The following PCTP variants were observed in gnomAD, a reference collection of about 807,000 sequenced individuals.
PCTP encodes the protein START domain-containing protein 2.
A neutral mutation model predicts 31.0 loss-of-function variants in PCTP; 27 were observed. The observed-to-expected ratio is 0.87, with a 90% CI of 0.64 to 1.20. The LOEUF (loss-of-function observed/expected upper bound fraction) is 1.20, where lower values mean the gene tolerates loss of function less well. Among genes scored for constraint, PCTP ranks in the 50% most tolerant of loss-of-function variants. The pLI is 0.00. For synonymous variants in PCTP, 108 were observed against 101.2 expected, an observed-to-expected ratio of 1.07 and a Z score of -0.40; for missense variants, 287 against 268.2, an observed-to-expected ratio of 1.07 and a Z score of -0.49.
At chr17:55,839,977 C>A (rs1905920501) in intron 5 of PCTP, among the ~76,000 whole-genome samples, 1 of 147,566 alleles carries the variant, frequency 6.8e-6, no homozygotes, top group African/African-American at 2.5e-5. Flanking sequence ...AGGTGAGATC[C>A]ATTGGAATGT....
At chr17:55,792,222 G>A (rs1191332718) in intron 3 of PCTP, among the ~76,000 whole-genome samples, 2 of 149,098 alleles carry the variant, frequency 1.3e-5, no homozygotes, top group Non-Finnish European at 3.0e-5. Flanking sequence ...CGAGTTAGTG[G>A]GTGCAGCACA....
chr17:55,758,831 T>C (rs2144918174), intron 1 of PCTP, among the ~76,000 whole-genome samples: 1 of 152,248 alleles, frequency 6.6e-6, no homozygotes, highest in East Asian at 1.9e-4. Context: ...AGAATGCTGG[T>C]CTCAAGGTTC....
At chr17:55,811,024 C>A (rs914030587) in intron 3 of PCTP, among the ~76,000 whole-genome samples, 2 of 152,140 alleles carry the variant, frequency 1.3e-5, no homozygotes, top group African/African-American at 4.8e-5. Context: ...AAGCTATTAC[C>A]CATCTATAGA....
At chr17:55,752,703 A>G (rs1909779641) in intron 1 of PCTP, among the ~76,000 whole-genome samples, 1 of 152,074 alleles carries the variant, frequency 6.6e-6, no homozygotes, top group African/African-American at 2.4e-5. Flanking sequence ...AAGCTGCCAT[A>G]TTTACTTTTT....
downstream of PCTP, among the ~76,000 whole-genome samples, chr17:55,846,832 T>C (rs1308843361): frequency 6.6e-6 from 1 of 152,224 alleles, no homozygotes; most frequent in African/African-American, 2.4e-5. Flanking sequence ...CTTCAAAATA[T>C]GCTATACAAT....
intron 1 of PCTP, among the ~76,000 whole-genome samples, chr17:55,758,924 T>A (rs1910192262): frequency 6.6e-6 from 1 of 152,210 alleles, no homozygotes; most frequent in African/African-American, 2.4e-5. Context: ...ATGCTCTCAC[T>A]CTGTCTTTCA....
intron 3 of PCTP, among the ~76,000 whole-genome samples, chr17:55,797,162 A>G (rs1368438209): frequency 6.6e-6 from 1 of 152,036 alleles, no homozygotes; most frequent in African/African-American, 2.4e-5. Context: ...AGGGATTTCC[A>G]TTCCTGACTA....
chr17:55,774,576 A>C (rs1911201317), intron 4 of PCTP, among the ~76,000 whole-genome samples: 1 of 152,176 alleles, frequency 6.6e-6, no homozygotes, highest in South Asian at 2.1e-4. Flanking sequence ...GTATTTAATA[A>C]ATAGCAGCAA....
chr17:55,753,357 AAAT>A (rs541851794), intron 1 of PCTP, among the ~76,000 whole-genome samples: 163 of 152,336 alleles, frequency 1.1e-3, no homozygotes, highest in African/African-American at 3.8e-3. Flanking sequence ...TTGATTGCAG[AAAT>A]AATAATAATC....
chr17:55,756,741 GTA>G (rs941265113), intron 1 of PCTP, among the ~76,000 whole-genome samples: 11 of 150,308 alleles, frequency 7.3e-5, no homozygotes, highest in South Asian at 2.1e-4. Flanking sequence ...GTGTGTGTGT[GTA>G]TATATGTATA....
At chr17:55,800,409 GT>G (rs1269984844) in intron 3 of PCTP, among the ~76,000 whole-genome samples, 1 of 151,814 alleles carries the variant, frequency 6.6e-6, no homozygotes, top group Non-Finnish European at 1.5e-5. Flanking sequence ...CTTGTGCTGT[GT>G]TTTTCATCTG....
At chr17:55,762,027 G>A (rs1312427020) in intron 1 of PCTP, among the ~76,000 whole-genome samples, 2 of 152,158 alleles carry the variant, frequency 1.3e-5, no homozygotes, top group Non-Finnish European at 2.9e-5. Context: ...AGCTCTGCAG[G>A]CATCTTGGGA....
chr17:55,780,491 G>A (rs1911523443), downstream of PCTP, among the ~76,000 whole-genome samples: 1 of 152,158 alleles, frequency 6.6e-6, no homozygotes, highest in Admixed American at 6.5e-5. Context: ...ATCCGATGGT[G>A]GTTGCATCCT....
Position 55,776,258 on chromosome 17 carries a change from G to T in PCTP, c.*158G>T. On this transcript the variant is annotated 3_prime_UTR_variant, in exon 6 of 6. Transcript: ENST00000268896. ...TCCCCTGCTGTTTCTGTCTTCAGAG[G>T]CCTACACACTACCACATCCTTTCTA... is the stretch of plus-strand genomic sequence containing the variant. 3 of 1,430,568 alleles carry T rather than the reference G, an allele frequency of 2.1e-6. No homozygotes were observed. Among genetic ancestry groups the T allele is most frequent in the Non-Finnish European group, 2.7e-6 (3 of 1,093,270 alleles). The allele number at this position is 1,430,568 out of a possible 1,614,324, so 88.6% of individuals were successfully genotyped here.
Position 55,776,429 on chromosome 17 carries a change from T to C in PCTP, c.*329T>C, listed in dbSNP as rs999204513. On this transcript the variant is annotated 3_prime_UTR_variant, in exon 6 of 6. Coordinates refer to ENST00000268896, the MANE Select transcript of PCTP (RefSeq NM_021213.4). ...TACTATTAGGAGGGGAAGTCTTCAG[T>C]AGGGAACACGATCATTCCATTGTGC... 7.3e-6 allele frequency: 9 copies of C among 1,240,156 alleles called. No individual in the cohort carries two copies. The East Asian group carries it at 2.5e-4, about 34-fold the overall frequency. 76.8% of individuals were successfully genotyped at this position (1,240,156 alleles called of 1,614,324 possible). A position where few individuals can be genotyped will look rare whatever the true frequency, so the allele number is the denominator to read the frequency against.
chr17:55,776,091 G>C lies in PCTP; in HGVS notation c.636G>C (p.Lys212Asn), dbSNP rs774793861. 2 of 1,613,934 alleles carry C rather than the reference G, an allele frequency of 1.2e-6. No homozygotes were observed. Among genetic ancestry groups the C allele is most frequent in the Non-Finnish European group, 1.7e-6 (2 of 1,179,928 alleles). ...CAAGAGCCTGTCAGAACTACCTCAA[G>C]AAAACCTAAGAAAGAGAACTGGGAA... ...DMARACQNYL[K>N]KT The change falls in exon 6 of 6, where the codon AAG (lysine) becomes AAC (asparagine). Residue 212 changes from lysine to asparagine, a missense_variant. Transcript: ENST00000268896.
downstream of PCTP, among the ~76,000 whole-genome samples, chr17:55,782,357 T>C (rs1911594888): frequency 6.6e-6 from 1 of 152,196 alleles, no homozygotes; most frequent in South Asian, 2.1e-4. Flanking sequence ...ACACATAAGA[T>C]TAAACATTAT....
At chr17:55,827,017 A>G (rs1302190757), downstream of PCTP, among the ~76,000 whole-genome samples, 1 of 148,302 alleles carries the variant, frequency 6.7e-6, no homozygotes, top group Non-Finnish European at 1.5e-5. Flanking sequence ...GATACAAAAG[A>G]TACCTACTGT....
At chr17:55,839,119 T>G (rs1369577515) in intron 5 of PCTP, among the ~76,000 whole-genome samples, 1 of 152,260 alleles carries the variant, frequency 6.6e-6, no homozygotes, top group African/African-American at 2.4e-5. Context: ...TATTATCATA[T>G]GTCATTTTAA....
Sources: allele counts gnomAD v4.1 joint callset (sites outside exome capture counted in the v4.1 genomes callset), GRCh38; gene constraint gnomAD v4.1.1; transcripts MANE v1.5; gene names NCBI Gene and HGNC (gene_info 2026-07-23, HGNC 2026-07-21).